KCNC1: variants seen among roughly 807,000 people sequenced by gnomAD.
KCNC1 encodes voltage-gated potassium channel KCNC1.
Under a neutral mutation model 43.4 loss-of-function variants are expected in KCNC1, and 8 were observed. The ratio of observed to expected loss-of-function variants is 0.18; its 90% CI spans 0.11 to 0.33. KCNC1 has a LOEUF of 0.33. Among genes scored for constraint, KCNC1 ranks in the 10% least tolerant of loss-of-function variants. The probability of loss-of-function intolerance (pLI) is 1.00; values close to 1 mark genes in which losing one functional copy is unlikely to be tolerated. For synonymous variants in KCNC1, 361 were observed against 360.5 expected (o/e 1.00, Z -0.01); for missense variants, 420 against 836.0 (o/e 0.50, Z 6.14).
chr11:17,763,049 C>T (rs79250174), intron 1 of KCNC1, among the ~76,000 whole-genome samples: 14,583 of 152,262 alleles, frequency 0.096, 887 homozygotes, highest in Non-Finnish European at 0.15. Flanking sequence ...CCCCTGCCAC[C>T]TCGGGATGGG....
intron 1 of KCNC1, among the ~76,000 whole-genome samples, chr11:17,755,614 T>C (rs1300542457): frequency 1.3e-5 from 2 of 151,824 alleles, no homozygotes; most frequent in Admixed American, 6.6e-5. Context: ...CAAGGATGAC[T>C]CCAAGGTTTT....
chr11:17,738,663 C>T (rs1565153523), intron 1 of KCNC1, among the ~76,000 whole-genome samples: 1 of 152,174 alleles, frequency 6.6e-6, no homozygotes, highest in Non-Finnish European at 1.5e-5. Flanking sequence ...TGGCCTTCAC[C>T]CAAGGCAGAC....
chr11:17,768,622 G>GC (rs1491463665), intron 1 of KCNC1, among the ~76,000 whole-genome samples: 8 of 150,736 alleles, frequency 5.3e-5, no homozygotes, highest in Admixed American at 1.3e-4. Flanking sequence ...TGGGGGGGGG[G>GC]GCGGTTTGGG....
chr11:17,756,482 A>G (rs535389468), intron 1 of KCNC1, among the ~76,000 whole-genome samples: 4 of 150,616 alleles, frequency 2.7e-5, no homozygotes, highest in African/African-American at 7.3e-5. Context: ...GGTTTTGTCC[A>G]TTACCCTCCC....
chr11:17,742,559 G>T lies in KCNC1; in HGVS notation c.570+5987G>T, dbSNP rs1012091523. On this transcript the variant is annotated intron_variant, in intron 1 of 3. Transcript: ENST00000265969. The surrounding 1 kb of genome is among the most constrained non-coding windows in gnomAD (Gnocchi z 4.2). The stretch of plus-strand genomic sequence containing the variant: ...TGAGCTCCCCTCTGCTAGGTGCAAG[G>T]TTAGAGGAAAAGGAGGGCCTGACAG... 3.9e-5 allele frequency among the ~76,000 whole-genome samples: 6 copies of T among 152,220 alleles called. No individual in the cohort carries two copies. The highest frequency in any genetic ancestry group is 1.4e-4 in the African/African-American group (6 of 41,454).
At position 17,772,159 on chromosome 11, in the gene KCNC1, C is replaced by A; in HGVS notation, c.1065C>A (p.Gly355=). The A allele has an allele frequency of 6.2e-7, 1 of 1,614,036 alleles. No homozygotes were observed. Residue 355 remains glycine, a synonymous_variant, in exon 2 of 4, where the codon GGC becomes GGA. Coordinates refer to ENST00000265969, the MANE Select transcript of KCNC1 (RefSeq NM_001112741.2). ...TGCTCATCATCTTCCTGGCCTTGGGCGTGCTGATCTTCGCCACCATGATCT... is the reference window on the plus strand; with the variant it reads ...TGCTCATCATCTTCCTGGCCTTGGGAGTGCTGATCTTCGCCACCATGATCT... ...FLLLIIFLAL[G]VLIFATMIYY... is the part of the protein sequence containing the mutation.
intron 1 of KCNC1, among the ~76,000 whole-genome samples, chr11:17,747,280 G>A (rs1848911396): frequency 6.6e-6 from 1 of 152,196 alleles, no homozygotes. Context: ...CTCCCCATCT[G>A]TGGTTATGGG....
At position 17,781,550 on chromosome 11, in the gene KCNC1, C is replaced by T; in HGVS notation, c.1694-120C>T. Reference sequence around the variant, plus strand: ...CAAACCAAGCCAGCTGGAGAAGAATCTGCCTGCCTCTGCATGCGGCTGTTC... The same window carrying T: ...CAAACCAAGCCAGCTGGAGAAGAATTTGCCTGCCTCTGCATGCGGCTGTTC... On this transcript the variant is annotated intron_variant, in intron 3 of 3. Transcript: ENST00000265969. This position sits in a 1 kb window ranked among gnomAD's most constrained non-coding sequence, Gnocchi z 5.1. 2.8e-6 allele frequency: 2 copies of T among 710,922 alleles called. No individual in the cohort carries two copies. Among genetic ancestry groups the T allele is most frequent in the Non-Finnish European group, 4.9e-6 (2 of 410,358 alleles). The allele number at this position is 710,922 out of a possible 1,614,324, so 44.0% of individuals were successfully genotyped here.
chr11:17,760,892 GC>G (rs1849070229), intron 1 of KCNC1, among the ~76,000 whole-genome samples: 2 of 152,212 alleles, frequency 1.3e-5, no homozygotes, highest in African/African-American at 4.8e-5. Context: ...TGCATGGGAA[GC>G]CCCGGAAGCA....
chr11:17,755,276 C>T (rs999250023), intron 1 of KCNC1, among the ~76,000 whole-genome samples: 2 of 152,110 alleles, frequency 1.3e-5, no homozygotes, highest in East Asian at 3.9e-4. Context: ...CAGATCAAGT[C>T]GGATCTGCAA....
In KCNC1 at chr11:17,735,885, C is replaced by T; in HGVS notation, c.-118C>T. ...GCCAGAGCCGCAGGCCTCTGTTCCC[C>T]CCGACGGCTGGGGGGAGGGGGGAAG... On this transcript the variant is annotated 5_prime_UTR_variant, in exon 1 of 4. Coordinates refer to ENST00000265969, the MANE Select transcript of KCNC1 (RefSeq NM_001112741.2). This position sits in a 1 kb window ranked among gnomAD's most constrained non-coding sequence, Gnocchi z 6.7. The T allele has an allele frequency of 8.2e-7, 1 of 1,218,410 alleles. No homozygotes were observed. Among genetic ancestry groups the T allele is most frequent in the African/African-American group, 1.6e-5 (1 of 61,768 alleles). 75.5% of individuals were successfully genotyped at this position (1,218,410 alleles called of 1,614,324 possible). A position where few individuals can be genotyped will look rare whatever the true frequency, so the allele number is the denominator to read the frequency against.
intron 2 of KCNC1, 54 bp downstream of exon 2, chr11:17,772,652 A>G (rs1325586205): frequency 6.3e-7 from 1 of 1,585,720 alleles, no homozygotes; most frequent in African/African-American, 1.4e-5. Context: ...TGCCCCCTGT[A>G]GCGATGATTC....
rs1280157718 is a variant in KCNC1 at position 17,779,537 on chromosome 11, A to T, written c.1586A>T (p.Asp529Val). The T allele has an allele frequency of 1.9e-6, 3 of 1,551,166 alleles. No individual in the cohort carries two copies. The African/African-American group carries it at 4.1e-5, about 21-fold the overall frequency. The change falls in exon 3 of 4, where the codon GAT (aspartate) becomes GTT (valine). Residue 529 changes from aspartate (D) to valine (V), a missense_variant. This residue lies in a region of KCNC1 where 147 missense variants were observed against 176.1 expected (regional missense o/e 0.83). Coordinates refer to ENST00000265969, the MANE Select transcript of KCNC1 (RefSeq NM_001112741.2). This position sits in a 1 kb window ranked among gnomAD's most constrained non-coding sequence, Gnocchi z 7.2. Reference sequence around the variant, plus strand: ...CACATAGACCAGGCCCTCACTCCCGATGAGGGCCTGCCCTTTACGCGCTCG... The same window carrying T: ...CACATAGACCAGGCCCTCACTCCCGTTGAGGGCCTGCCCTTTACGCGCTCG... ...CPHIDQALTP[D>V]EGLPFTRSGT...
chr11:17,753,968 T>C (rs1209941689), intron 1 of KCNC1, among the ~76,000 whole-genome samples: 6 of 152,346 alleles, frequency 3.9e-5, no homozygotes, highest in African/African-American at 1.2e-4. Context: ...GCCTGTCTGC[T>C]GGGAGGGAAG....
At chr11:17,753,096 C>T (rs921808769) in intron 1 of KCNC1, among the ~76,000 whole-genome samples, 4 of 152,224 alleles carry the variant, frequency 2.6e-5, no homozygotes, top group African/African-American at 9.6e-5. Context: ...GGCTGTGTCT[C>T]CGATAAGATC....
chr11:17,747,765 C>T (rs1009198558), intron 1 of KCNC1, among the ~76,000 whole-genome samples: 2 of 152,200 alleles, frequency 1.3e-5, no homozygotes, highest in Admixed American at 1.3e-4. Context: ...GAAGCTTTCT[C>T]TCAAGCCTCT....
rs1208535045 is a variant in KCNC1, at chr11:17,773,706, A to T, written c.1504+1108A>T. The T allele has an allele frequency of 1.0e-6, 1 of 985,302 alleles. No homozygotes were observed. The highest frequency in any genetic ancestry group is 1.7e-5 in the African/African-American group (1 of 57,228). The allele number at this position is 985,302 out of a possible 1,614,324, so 61.0% of individuals were successfully genotyped here. A position where few individuals can be genotyped will look rare whatever the true frequency, so the allele number is the denominator to read the frequency against. On this transcript the variant is annotated intron_variant, in intron 2 of 3. Coordinates refer to ENST00000265969, the MANE Select transcript of KCNC1 (RefSeq NM_001112741.2). The surrounding 1 kb of genome is among the most constrained non-coding windows in gnomAD (Gnocchi z 4.1). Reference sequence around the variant, plus strand: ...AGTTGATCATGGGGCTCTGGTCCGAAGATATAAAGCCCATAGTCTACCTCT... The same window carrying T: ...AGTTGATCATGGGGCTCTGGTCCGATGATATAAAGCCCATAGTCTACCTCT...
At chr11:17,760,930 T>C (rs1440641547) in intron 1 of KCNC1, among the ~76,000 whole-genome samples, 3 of 152,204 alleles carry the variant, frequency 2.0e-5, no homozygotes, top group Non-Finnish European at 1.5e-5. Context: ...CAGGAAGCTG[T>C]TGTCATCTCT....
At chr11:17,765,038 G>T (rs1429947522) in intron 1 of KCNC1, among the ~76,000 whole-genome samples, 1 of 152,166 alleles carries the variant, frequency 6.6e-6, no homozygotes, top group Non-Finnish European at 1.5e-5. Flanking sequence ...GTCAGCCAGG[G>T]CTCCCCTGAT....
Sources: gnomAD v4.1 joint callset for allele counts (sites outside exome capture counted in the v4.1 genomes callset) on GRCh38, gnomAD v4.1.1 for gene constraint, gnomAD v4.1.1 regional missense constraint, Gnocchi (gnomAD v3.1) non-coding constraint, MANE v1.5 for transcripts, NCBI Gene and HGNC (gene_info 2026-07-23, HGNC 2026-07-21) for gene names.